Variants in SCNN1A observed in about 807,000 individuals in gnomAD.
SCNN1A encodes epithelial sodium channel subunit alpha.
In SCNN1A, 65 loss-of-function variants were observed where a neutral mutation model predicts 68.6. The ratio of observed to expected loss-of-function variants is 0.95; its 90% confidence interval spans 0.78 to 1.16. The LOEUF is 1.16. Ranked by LOEUF, SCNN1A falls within the 50% of genes most tolerant of loss-of-function variation. The probability of loss-of-function intolerance (pLI) is 0.00; values close to 1 mark genes in which losing one functional copy is unlikely to be tolerated. For synonymous variants in SCNN1A, 357 were observed against 353.3 expected (o/e 1.01, Z -0.12); for missense variants, 880 against 865.9 (o/e 1.02, Z -0.20).
In SCNN1A at chr12:6,372,950, C is replaced by T. The variant is rs1309036673; in HGVS notation, c.416+1418G>A. 6.6e-6 allele frequency among the ~76,000 whole-genome samples: 1 copy of T among 152,182 alleles called. No homozygotes were observed. The highest frequency in any genetic ancestry group is 2.4e-5 in the African/African-American group (1 of 41,430). On this transcript the variant is annotated intron_variant, in intron 2 of 12. Coordinates refer to ENST00000228916, the MANE Select transcript of SCNN1A (RefSeq NM_001038.6). This position sits in a 1 kb window ranked among gnomAD's most constrained non-coding sequence, Gnocchi z 5.8. Reference sequence around the variant, plus strand: ...CTCTCTGTGATGTTGTGACTTGCCTCTCTTTGCCTTAGTTTCCTCAAGTGT... The same window carrying T: ...CTCTCTGTGATGTTGTGACTTGCCTTTCTTTGCCTTAGTTTCCTCAAGTGT...
chr12:6,358,792 CA>C (rs1353848759), intron 4 of SCNN1A, among the ~76,000 whole-genome samples: 2 of 145,680 alleles, frequency 1.4e-5, no homozygotes, highest in Non-Finnish European at 3.0e-5. Context: ...CCCAGGAAAT[CA>C]AAGCTACAGT....
At chr12:6,348,479 A>G (rs1317596561) in intron 12 of SCNN1A, among the ~76,000 whole-genome samples, 3 of 148,188 alleles carry the variant, frequency 2.0e-5, no homozygotes, top group Non-Finnish European at 4.5e-5. Context: ...AAATGGGGGC[A>G]TGGGTCAAGC....
Position 6,347,903 on chromosome 12 carries a change from A to G in SCNN1A, c.1980T>C (p.Ser660=). Reference sequence around the variant, plus strand: ...GCCCCCCCAGAGGACAGGTGGAGGAACTGGCCCCTGCAGAGCCCCCTGGAG... The same window carrying G: ...GCCCCCCCAGAGGACAGGTGGAGGAGCTGGCCCCTGCAGAGCCCCCTGGAG... The part of the protein sequence containing the change: ...RPSPGGSAGA[S]SSTCPLGGP The change falls in exon 13 of 13, where the codon AGT becomes AGC. Residue 660 remains serine, a synonymous_variant. Transcript: ENST00000228916. 6.3e-7 allele frequency: 1 copy of G among 1,598,350 alleles called. No homozygotes were observed. Among genetic ancestry groups the G allele is most frequent in the Non-Finnish European group, 8.5e-7 (1 of 1,172,434 alleles).
chr12:6,363,581 C>T lies in SCNN1A; in HGVS notation c.546G>A (p.Gly182=), dbSNP rs771891536. The T allele has an allele frequency of 6.2e-7, 1 of 1,611,764 alleles. No individual in the cohort carries two copies. The highest frequency in any genetic ancestry group is 1.3e-5 in the African/African-American group (1 of 74,988). ...GGCGCTGCAAGGGGTGCGGCAGAGTCCCCCGCAGGTCGCGACGGCTGCGGG... is the reference window on the plus strand; with the variant it reads ...GGCGCTGCAAGGGGTGCGGCAGAGTTCCCCGCAGGTCGCGACGGCTGCGGG... ...AGSRSRRDLR[G]TLPHPLQRLR... The change falls in exon 3 of 13, where the codon GGG becomes GGA. Residue 182 remains glycine (G), a synonymous_variant. Transcript: ENST00000228916.
rs1948808776 is a variant in SCNN1A, at chr12:6,372,387, A to T, written c.416+1981T>A. ...TGCATCTCCTCCCGCTGTGCTGGGGAGCCCTTCCCCGACTCCTCTCCTCTC... is the reference window on the plus strand; with the variant it reads ...TGCATCTCCTCCCGCTGTGCTGGGGTGCCCTTCCCCGACTCCTCTCCTCTC... On this transcript the variant is annotated intron_variant, in intron 2 of 12. Coordinates refer to ENST00000228916, the MANE Select transcript of SCNN1A (RefSeq NM_001038.6). The surrounding 1 kb of genome is among the most constrained non-coding windows in gnomAD (Gnocchi z 5.8). Among the ~76,000 whole-genome samples, 1 of 151,966 alleles carries T rather than the reference A, an allele frequency of 6.6e-6. No homozygotes were observed. Among genetic ancestry groups the T allele is most frequent in the South Asian group, 2.1e-4 (1 of 4,812 alleles).
intron 10 of SCNN1A, 70 bp downstream of exon 10, chr12:6,349,094 A>G: frequency 6.2e-7 from 1 of 1,602,872 alleles, no homozygotes; most frequent in Non-Finnish European, 8.5e-7. Flanking sequence ...TCATACACAT[A>G]ATACCCAGAG....
intron 4 of SCNN1A, among the ~76,000 whole-genome samples, chr12:6,361,774 C>T (rs1389907513): frequency 6.6e-6 from 1 of 152,066 alleles, no homozygotes; most frequent in African/African-American, 2.4e-5. Context: ...AGACCAAGAT[C>T]CATGCTTCCA....
intron 8 of SCNN1A, chr12:6,350,033 TA>T: frequency 5.5e-6 from 1 of 182,820 alleles, no homozygotes. Flanking sequence ...GCCTAAAAAA[TA>T]AATTAATAAA....
chr12:6,376,451 A>G (rs1948911445), upstream of SCNN1A, among the ~76,000 whole-genome samples: 1 of 152,224 alleles, frequency 6.6e-6, no homozygotes, highest in African/African-American at 2.4e-5. Context: ...CTGTGGACAC[A>G]GACCCGGAGC....
intron 2 of SCNN1A, among the ~76,000 whole-genome samples, chr12:6,369,394 G>GA (rs1555114310): frequency 1.5e-5 from 2 of 131,170 alleles, no homozygotes; most frequent in African/African-American, 6.3e-5. Flanking sequence ...TCACTGATGA[G>GA]CCCCCCCACT....
In SCNN1A at chr12:6,363,864, C is replaced by A. The variant is rs13306621; in HGVS notation, c.417-154G>T. On this transcript the variant is annotated intron_variant, in intron 2 of 12. Coordinates refer to ENST00000228916, the MANE Select transcript of SCNN1A (RefSeq NM_001038.6). The stretch of plus-strand genomic sequence containing the variant: ...GTCGTCGTGGCGCCTCCTGGCCGTC[C>A]GGCGGTGAAGGGTAAACAGGTGTGT... 12,999 of 520,552 alleles carry A rather than the reference C, an allele frequency of 0.025. 283 individuals carry two copies. The highest frequency in any genetic ancestry group is 0.08 in the African/African-American group (3,875 of 48,670). 32.2% of individuals were successfully genotyped at this position (520,552 alleles called of 1,614,324 possible). A position where few individuals can be genotyped will look rare whatever the true frequency, so the allele number is the denominator to read the frequency against.
chr12:6,364,761 C>CA (rs34075843), intron 2 of SCNN1A, among the ~76,000 whole-genome samples: 1,551 of 127,894 alleles, frequency 0.012, 17 homozygotes, highest in Non-Finnish European at 0.02. Context: ...GACTCCGTCT[C>CA]AAAAAAAAAA....
Position 6,349,883 on chromosome 12 carries a change from C to T in SCNN1A, c.1361-478G>A, listed in dbSNP as rs1461498190. The T allele has an allele frequency of 2.4e-5, 4 of 168,334 alleles. No homozygotes were observed. The South Asian group carries it at 3.5e-4, about 15-fold the overall frequency. The allele number at this position is 168,334 out of a possible 1,614,324, so 10.4% of individuals were successfully genotyped here. A position where few individuals can be genotyped will look rare whatever the true frequency, so the allele number is the denominator to read the frequency against. On this transcript the variant is annotated intron_variant, in intron 8 of 12. Coordinates refer to ENST00000228916, the MANE Select transcript of SCNN1A (RefSeq NM_001038.6). Reference sequence around the variant, plus strand: ...CTGGGACTACAGGCGCCCGCCACCACGCCCGGCTAATTTTTCGTATTTTTA... The same window carrying T: ...CTGGGACTACAGGCGCCCGCCACCATGCCCGGCTAATTTTTCGTATTTTTA...
At chr12:6,375,059 TGGGCTTCCCTAGAAC>T (rs894951030) in intron 1 of SCNN1A, 7 of 1,533,004 alleles carry the variant, frequency 4.6e-6, no homozygotes, top group African/African-American at 2.7e-5. Context: ...GTGCCGGAGC[TGGGCTTCCCTAGAAC>T]GGCCTCTCCT....
At chr12:6,350,433 C>T (rs943201600) in intron 8 of SCNN1A, among the ~76,000 whole-genome samples, 1 of 64,998 alleles carries the variant, frequency 1.5e-5, no homozygotes, top group Non-Finnish European at 3.3e-5. Context: ...GACTCCGTCT[C>T]AAAAAAAAAA....
In SCNN1A at chr12:6,348,934, C is replaced by A; in HGVS notation, c.1553+16G>T. 1 of 1,613,542 alleles carries A rather than the reference C, an allele frequency of 6.2e-7. No homozygotes were observed. Among genetic ancestry groups the A allele is most frequent in the Non-Finnish European group, 8.5e-7 (1 of 1,179,560 alleles). On this transcript the variant is annotated intron_variant, in intron 11 of 12. Coordinates refer to ENST00000228916, the MANE Select transcript of SCNN1A (RefSeq NM_001038.6). ...AAAGATTCCCTTCTTGTGGCTGGGA[C>A]CAGGGCAGGACTGACCTCTTGTTGT...
In SCNN1A at chr12:6,375,321, C is replaced by G. The variant is rs1592090371; in HGVS notation, c.-55+184G>C. 12 of 1,442,030 alleles carry G rather than the reference C, an allele frequency of 8.3e-6. No homozygotes were observed. In the East Asian group the frequency reaches 2.7e-4, roughly 33 times the overall value. 89.3% of individuals were successfully genotyped at this position (1,442,030 alleles called of 1,614,324 possible). ...CCCCCTTGCCTTGCCCCCTCTCACT[C>G]TAGGCCCTCAGCTCCAGCCTCTGGC... On this transcript the variant is annotated intron_variant, in intron 1 of 12. Transcript: ENST00000228916.
rs1948863464 is a variant in SCNN1A at position 6,374,644 on chromosome 12, G to GCCT, written c.137_139dup (p.Glu46dup). 3.1e-6 allele frequency: 5 copies of GCCT among 1,613,612 alleles called. No homozygotes were observed. Among genetic ancestry groups the GCCT allele is most frequent in the Non-Finnish European group, 4.2e-6 (5 of 1,179,768 alleles). On this transcript the variant is annotated inframe_insertion, in exon 2 of 13. Coordinates refer to ENST00000228916, the MANE Select transcript of SCNN1A (RefSeq NM_001038.6). This position sits in a 1 kb window ranked among gnomAD's most constrained non-coding sequence, Gnocchi z 6.2. The stretch of plus-strand genomic sequence containing the variant: ...GTAGGAGCGGTGGAACTCGATCAGG[G>GCCT]CCTCCTCCTCCGCCGTGGGCTGCTG...
At position 6,369,997 on chromosome 12, in the gene SCNN1A, G is replaced by A. The variant is rs548084365; in HGVS notation, c.416+4371C>T. 9.2e-5 allele frequency among the ~76,000 whole-genome samples: 14 copies of A among 152,264 alleles called. No individual in the cohort carries two copies. In the South Asian group the frequency reaches 2.1e-3, roughly 23 times the overall value. On this transcript the variant is annotated intron_variant, in intron 2 of 12. Coordinates refer to ENST00000228916, the MANE Select transcript of SCNN1A (RefSeq NM_001038.6). ...CCGATCTTGTTTTGAGGAGACCAGC[G>A]GCTGGAGGGAAGGGATAAAGAATGC...
Sources: allele counts gnomAD v4.1 joint callset (sites outside exome capture counted in the v4.1 genomes callset), GRCh38; gene constraint gnomAD v4.1.1; non-coding constraint Gnocchi (gnomAD v3.1); transcripts MANE v1.5; gene names NCBI Gene and HGNC (gene_info 2026-07-23, HGNC 2026-07-21).